The following SLC4A8 variants were observed in gnomAD, a reference collection of about 807,000 sequenced individuals.
The protein encoded by SLC4A8 is electroneutral sodium bicarbonate exchanger 1.
In SLC4A8, 40 loss-of-function variants were observed where a neutral mutation model predicts 125.0. The observed-to-expected ratio is 0.32, with a 90% confidence interval of 0.25 to 0.42. The LOEUF (loss-of-function observed/expected upper bound fraction) is 0.42. SLC4A8 is among the 10% of genes least tolerant of loss of function. SLC4A8 has a pLI of 1.00. For synonymous variants in SLC4A8, 456 were observed against 476.0 expected (o/e 0.96, Z 0.55); for missense variants, 863 against 1,355.1 (o/e 0.64, Z 5.70).
chr12:51,461,290 A>G lies in SLC4A8; in HGVS notation c.1100A>G (p.Glu367Gly). 6.3e-7 allele frequency: 1 copy of G among 1,581,056 alleles called. No individual in the cohort carries two copies. The highest frequency in any genetic ancestry group is 8.7e-7 in the Non-Finnish European group (1 of 1,150,084). The change falls in exon 9 of 25, where the codon GAG becomes GGG. Residue 367 changes from glutamate (E) to glycine (G), a missense_variant and splice_region_variant. Glu to Gly is a moderately conservative substitution (Grantham distance 98). Transcript: ENST00000453097. ...GRSMATIMTD[E>G]IFHDVAYKAK... ...TCCATGGCCACCATCATGACAGATG[A>G]GGTATGTGCAACTTTTGCTTCAGTC...
rs1949573432 is a variant in SLC4A8 at position 51,440,889 on chromosome 12, C to T, written c.130+100C>T. On this transcript the variant is annotated intron_variant, in intron 2 of 24. Coordinates refer to ENST00000453097, the MANE Select transcript of SLC4A8 (RefSeq NM_001039960.3). ...CCTAACTCTCTCACTAGCTGTCAGA[C>T]CTTGGGGAAAATCACTTGATTTCCT... 5 of 1,085,710 alleles carry T rather than the reference C, an allele frequency of 4.6e-6. No individual in the cohort carries two copies. In the South Asian group the frequency reaches 9.4e-5, roughly 20 times the overall value. The allele number at this position is 1,085,710 out of a possible 1,614,324, so 67.3% of individuals were successfully genotyped here.
At chr12:51,473,399 A>G (rs539814116) in intron 14 of SLC4A8, among the ~76,000 whole-genome samples, 2 of 152,278 alleles carry the variant, frequency 1.3e-5, no homozygotes, top group South Asian at 4.1e-4. Context: ...TTAGTACTGA[A>G]TAATATTCCA....
intron 1 of SLC4A8, among the ~76,000 whole-genome samples, chr12:51,410,178 G>A (rs555524493): frequency 1.3e-5 from 2 of 152,268 alleles, no homozygotes; most frequent in East Asian, 1.9e-4. Context: ...AGTGCCTGGC[G>A]GGAAAGGGAG....
At chr12:51,431,655 G>A (rs973297015) in intron 1 of SLC4A8, among the ~76,000 whole-genome samples, 5 of 152,028 alleles carry the variant, frequency 3.3e-5, no homozygotes, top group Non-Finnish European at 7.4e-5. Context: ...AAGTATTTGA[G>A]GGCATTGGAG....
intron 2 of SLC4A8, among the ~76,000 whole-genome samples, chr12:51,450,107 C>T (rs913831897): frequency 1.6e-4 from 25 of 152,108 alleles, no homozygotes; most frequent in African/African-American, 6.0e-4. Context: ...ATGTTCCCCT[C>T]TCTTTGTACA....
chr12:51,441,250 C>T, intron 2 of SLC4A8: 1 of 971,206 alleles, frequency 1.0e-6, no homozygotes, highest in Non-Finnish European at 1.2e-6. Flanking sequence ...ATACCCATTT[C>T]TGCCTGGTGG....
chr12:51,393,614 A>G (rs971530821), intron 1 of SLC4A8, among the ~76,000 whole-genome samples: 3 of 152,222 alleles, frequency 2.0e-5, no homozygotes, highest in Non-Finnish European at 2.9e-5. Context: ...AGAGAAGGCC[A>G]GCAGAGTGTG....
chr12:51,394,573 C>T (rs866616149), intron 1 of SLC4A8, among the ~76,000 whole-genome samples: 7 of 152,176 alleles, frequency 4.6e-5, no homozygotes, highest in Non-Finnish European at 8.8e-5. Context: ...AATCCCAGCA[C>T]TTTGGGAGGC....
chr12:51,436,326 A>G (rs1457331360), intron 1 of SLC4A8, among the ~76,000 whole-genome samples: 3 of 152,208 alleles, frequency 2.0e-5, no homozygotes, highest in Admixed American at 6.5e-5. Flanking sequence ...TCCTTAGAGT[A>G]TATGCCACTG....
At chr12:51,398,408 C>G (rs1023481867) in intron 1 of SLC4A8, among the ~76,000 whole-genome samples, 1 of 152,206 alleles carries the variant, frequency 6.6e-6, no homozygotes, top group Non-Finnish European at 1.5e-5. Context: ...TTAAATCACA[C>G]AAGATCATCT....
chr12:51,459,997 C>T lies in SLC4A8; in HGVS notation c.902C>T (p.Ser301Phe). ...AAAATTCCTACTGGGGCCGAGGCCT[C>T]CAATGTCCTGGTTGGAGAGGTGGAT... ...MKKIPTGAEA[S>F]NVLVGEVDIL... Residue 301 changes from serine (S) to phenylalanine (F), a missense_variant, in exon 8 of 25, where the codon TCC (serine) becomes TTC (phenylalanine). Coordinates refer to ENST00000453097, the MANE Select transcript of SLC4A8 (RefSeq NM_001039960.3). 5.0e-6 allele frequency: 8 copies of T among 1,613,794 alleles called. No homozygotes were observed. The highest frequency in any genetic ancestry group is 6.8e-6 in the Non-Finnish European group (8 of 1,179,658).
intron 1 of SLC4A8, among the ~76,000 whole-genome samples, chr12:51,433,068 AGCCTCTGTG>A (rs1213968151): frequency 6.6e-6 from 1 of 152,166 alleles, no homozygotes; most frequent in Non-Finnish European, 1.5e-5. Flanking sequence ...TGTTCCCTGT[AGCCTCTGTG>A]GCTGCTTCCA....
intron 11 of SLC4A8, among the ~76,000 whole-genome samples, chr12:51,465,746 C>T (rs1435742188): frequency 2.6e-5 from 4 of 152,164 alleles, no homozygotes; most frequent in African/African-American, 9.7e-5. Flanking sequence ...TATGACCTTC[C>T]TCCCATTGTA....
intron 1 of SLC4A8, among the ~76,000 whole-genome samples, chr12:51,418,106 C>T (rs923884583): frequency 1.3e-5 from 2 of 152,200 alleles, no homozygotes; most frequent in African/African-American, 4.8e-5. Context: ...TCATAATGGG[C>T]TACAAGAATT....
chr12:51,474,657 C>A (rs2138326322), intron 15 of SLC4A8: 2 of 837,530 alleles, frequency 2.4e-6, no homozygotes, highest in East Asian at 2.7e-5. Context: ...TTTCTCCCCC[C>A]TACATCCTAC....
intron 1 of SLC4A8, chr12:51,402,949 C>G (rs1344601791): frequency 3.2e-6 from 1 of 314,866 alleles, no homozygotes; most frequent in Non-Finnish European, 6.3e-6. Flanking sequence ...GACTGGGGGT[C>G]CCTGATAGAA....
chr12:51,482,888 G>A (rs1235530579), intron 16 of SLC4A8, among the ~76,000 whole-genome samples: 1 of 152,156 alleles, frequency 6.6e-6, no homozygotes, highest in Non-Finnish European at 1.5e-5. Context: ...CAATGTATAT[G>A]TAAGACCCCA....
intron 15 of SLC4A8, chr12:51,474,681 A>C: frequency 1.5e-6 from 1 of 667,170 alleles, no homozygotes; most frequent in Non-Finnish European, 2.4e-6. Context: ...GTGACCCTGC[A>C]CTAAGGATAG....
At chr12:51,434,013 T>C (rs1287786454) in intron 1 of SLC4A8, among the ~76,000 whole-genome samples, 1 of 152,040 alleles carries the variant, frequency 6.6e-6, no homozygotes, top group Non-Finnish European at 1.5e-5. Context: ...TAGCTGGGAC[T>C]ACAAGCCCAT....
Sources: allele counts gnomAD v4.1 joint callset (sites outside exome capture counted in the v4.1 genomes callset), GRCh38; gene constraint gnomAD v4.1.1; transcripts MANE v1.5; gene names NCBI Gene and HGNC (gene_info 2026-07-23, HGNC 2026-07-21).